The following MCC variants were observed in gnomAD, a reference collection of about 807,000 sequenced individuals.
The protein encoded by MCC is MCC regulator of Wnt signaling pathway, also known as colorectal mutant cancer protein.
In MCC, 90 loss-of-function variants were observed where a neutral mutation model predicts 116.2. The ratio of observed to expected loss-of-function variants is 0.77; its 90% CI spans 0.65 to 0.92. The LOEUF (loss-of-function observed/expected upper bound fraction) is 0.92, where lower values mean the gene tolerates loss of function less well. MCC is among the 40% of genes least tolerant of loss of function. The pLI, the probability that MCC is intolerant of heterozygous loss-of-function variation, is 0.00. For missense variants in MCC, 1,516 were observed against 1,312.2 expected (o/e 1.16, Z -2.40); for synonymous variants, 578 against 510.5 (o/e 1.13, Z -1.78).
At position 113,025,722 on chromosome 5, in the gene MCC, T is replaced by C. The variant is rs1750496849; in HGVS notation, c.*1580A>G. ...AGACTGATACCAGTTGATCTGTTGT[T>C]TCGTTTTGGAGATGGGCAGCCTCAC... On this transcript the variant is annotated 3_prime_UTR_variant, in exon 19 of 19. Transcript: ENST00000408903. 2 of 152,196 alleles carry C rather than the reference T, an allele frequency of 1.3e-5. No individual in the cohort carries two copies. The highest frequency in any genetic ancestry group is 1.3e-4 in the Admixed American group (2 of 15,278). The allele number at this position is 152,196 out of a possible 1,614,324, so 9.4% of individuals were successfully genotyped here. A position where few individuals can be genotyped will look rare whatever the true frequency, so the allele number is the denominator to read the frequency against.
chr5:113,069,772 G>C (rs1382922424), intron 12 of MCC, among the ~76,000 whole-genome samples: 2 of 151,996 alleles, frequency 1.3e-5, no homozygotes, highest in African/African-American at 2.4e-5. Context: ...ATTTTTAGTA[G>C]CGACGGGGTT....
chr5:113,335,860 A>G (rs1767856586), intron 3 of MCC, among the ~76,000 whole-genome samples: 1 of 151,748 alleles, frequency 6.6e-6, no homozygotes, highest in African/African-American at 2.4e-5. Context: ...AGAAGTAAAG[A>G]AGTCATACTT....
At chr5:113,300,344 G>C (rs1466082098) in intron 3 of MCC, among the ~76,000 whole-genome samples, 1 of 152,106 alleles carries the variant, frequency 6.6e-6, no homozygotes, top group Non-Finnish European at 1.5e-5. Context: ...GCCCACAAGA[G>C]TACCCAAACT....
chr5:113,455,621 T>G (rs1771521611), intron 1 of MCC, among the ~76,000 whole-genome samples: 2 of 152,202 alleles, frequency 1.3e-5, no homozygotes, highest in African/African-American at 4.8e-5. Flanking sequence ...CAGAAATTTG[T>G]GTATTTTAGA....
intron 1 of MCC, among the ~76,000 whole-genome samples, chr5:113,467,595 T>C (rs186969628): frequency 0.011 from 1,742 of 152,260 alleles, 44 homozygotes; most frequent in African/African-American, 0.039. Flanking sequence ...AGCCTTGTAG[T>C]ATAGTTTGAA....
At chr5:113,463,181 C>T (rs1383716502) in intron 1 of MCC, among the ~76,000 whole-genome samples, 1 of 151,970 alleles carries the variant, frequency 6.6e-6, no homozygotes, top group Non-Finnish European at 1.5e-5. Flanking sequence ...GTACAGAGAG[C>T]CTAGAGGAGA....
At position 113,124,250 on chromosome 5, in the gene MCC, T is replaced by C. The variant is rs370869619; in HGVS notation, c.885-1424A>G. On this transcript the variant is annotated intron_variant, in intron 5 of 18. Transcript: ENST00000408903. ...ATTAGACATCTGCAAAAGTCAACAA[T>C]AATTAGGTTTAGGAAAGAAAATGAT... 3.9e-5 allele frequency among the ~76,000 whole-genome samples: 6 copies of C among 152,294 alleles called. No individual in the cohort carries two copies. In the East Asian group the frequency reaches 1.2e-3, roughly 29 times the overall value.
At chr5:113,134,555 C>CTTTTTTT in intron 5 of MCC, among the ~76,000 whole-genome samples, 6 of 30,120 alleles carry the variant, frequency 2.0e-4, no homozygotes, top group African/African-American at 3.9e-4. Flanking sequence ...GCTATTTGGG[C>CTTTTTTT]TTTTTTTTTT....
chr5:113,073,541 C>G (rs1018167467), intron 11 of MCC, among the ~76,000 whole-genome samples: 5 of 152,252 alleles, frequency 3.3e-5, no homozygotes, highest in African/African-American at 9.6e-5. Flanking sequence ...GCCACCTCGT[C>G]TCATGTAGCT....
At chr5:113,326,782 A>G (rs11748646) in intron 3 of MCC, among the ~76,000 whole-genome samples, 13,648 of 152,286 alleles carry the variant, frequency 0.09, 906 homozygotes, top group Non-Finnish European at 0.12. Flanking sequence ...TTAAACATAA[A>G]ATGGCTGAAT....
At chr5:113,480,774 T>C (rs1224853614) in intron 1 of MCC, among the ~76,000 whole-genome samples, 1 of 152,180 alleles carries the variant, frequency 6.6e-6, no homozygotes, top group East Asian at 1.9e-4. Context: ...TTCATTATTT[T>C]TATTTATTTT....
chr5:113,100,274 A>G (rs567689694), intron 8 of MCC, among the ~76,000 whole-genome samples: 192 of 152,274 alleles, frequency 1.3e-3, no homozygotes, highest in African/African-American at 4.3e-3. Flanking sequence ...ATAACATTCA[A>G]AAATAGTAAT....
intron 3 of MCC, among the ~76,000 whole-genome samples, chr5:113,335,685 T>C (rs1052066423): frequency 3.3e-5 from 5 of 151,674 alleles, no homozygotes; most frequent in Non-Finnish European, 7.4e-5. Flanking sequence ...CATATTGCTT[T>C]ACCCATAGTT....
rs1305984234 is a variant in MCC at position 113,023,104 on chromosome 5, C to T, written c.*4198G>A. The T allele has an allele frequency of 2.6e-5, 4 of 152,134 alleles. No individual in the cohort carries two copies. The highest frequency in any genetic ancestry group is 4.4e-5 in the Non-Finnish European group (3 of 68,018). 9.4% of individuals were successfully genotyped at this position (152,134 alleles called of 1,614,324 possible). The stretch of plus-strand genomic sequence containing the variant: ...TGAGAGATCAGTGATGCTGTGGTGA[C>T]AGCAGTCAGCATTATTTCTTAGAGA... On this transcript the variant is annotated 3_prime_UTR_variant, in exon 19 of 19. Coordinates refer to ENST00000408903, the MANE Select transcript of MCC (RefSeq NM_001085377.2).
At chr5:113,157,565 G>T (rs962168428) in intron 3 of MCC, among the ~76,000 whole-genome samples, 1 of 152,192 alleles carries the variant, frequency 6.6e-6, no homozygotes, top group Non-Finnish European at 1.5e-5. Context: ...CAGTCTTCCC[G>T]GCTTTGTTGG....
At chr5:113,310,376 A>G (rs1045631100) in intron 3 of MCC, among the ~76,000 whole-genome samples, 1 of 152,178 alleles carries the variant, frequency 6.6e-6, no homozygotes, top group Non-Finnish European at 1.5e-5. Flanking sequence ...CCAGCTACCA[A>G]TCCTTCTAGC....
chr5:113,461,790 A>G lies in MCC; in HGVS notation c.170+26455T>C, dbSNP rs186732561. On this transcript the variant is annotated intron_variant, in intron 1 of 18. Transcript: ENST00000408903. ...AAAATTCTGACAGGTGTTTACAACA[A>G]TAATTGTGGAAGCTACAGATTATAG... is the stretch of plus-strand genomic sequence containing the variant. 6.7e-3 allele frequency among the ~76,000 whole-genome samples: 1,011 copies of G among 151,962 alleles called. 17 individuals are homozygous for G. Among genetic ancestry groups the G allele is most frequent in the African/African-American group, 0.022 (910 of 41,462 alleles).
chr5:113,031,729 C>A (rs994684317), intron 17 of MCC, among the ~76,000 whole-genome samples: 1 of 152,166 alleles, frequency 6.6e-6, no homozygotes, highest in Non-Finnish European at 1.5e-5. Flanking sequence ...GACTGGAAAT[C>A]CCAGCCCTTC....
At chr5:113,236,624 T>C (rs1400488866) in intron 3 of MCC, among the ~76,000 whole-genome samples, 4 of 152,236 alleles carry the variant, frequency 2.6e-5, no homozygotes, top group African/African-American at 9.6e-5. Flanking sequence ...CATTATAATG[T>C]TTATCTTCAC....
Sources: gnomAD v4.1 joint callset for allele counts (sites outside exome capture counted in the v4.1 genomes callset) on GRCh38, gnomAD v4.1.1 for gene constraint, MANE v1.5 for transcripts, NCBI Gene and HGNC (gene_info 2026-07-23, HGNC 2026-07-21) for gene names.